MACROD1: variants seen among roughly 807,000 people sequenced by gnomAD.
The protein encoded by MACROD1 is ADP-ribose glycohydrolase MACROD1.
A neutral mutation model predicts 41.4 loss-of-function variants in MACROD1; 31 were observed. That is an observed-to-expected ratio of 0.75 (90% CI 0.56 to 1.01). The LOEUF (loss-of-function observed/expected upper bound fraction) is 1.01. Among genes scored for constraint, MACROD1 ranks in the 50% least tolerant of loss-of-function variants. The pLI is 0.00. For synonymous variants in MACROD1, 252 were observed against 203.4 expected (o/e 1.24, Z -2.03); for missense variants, 473 against 460.0 (o/e 1.03, Z -0.26).
At chr11:64,023,562 C>T (rs1225978950) in intron 3 of MACROD1, among the ~76,000 whole-genome samples, 5 of 152,126 alleles carry the variant, frequency 3.3e-5, no homozygotes, top group African/African-American at 1.2e-4. Context: ...ATTTGAACCC[C>T]GCTGCTCCAG....
chr11:64,047,971 T>G (rs1323785671), intron 3 of MACROD1, among the ~76,000 whole-genome samples: 1 of 150,654 alleles, frequency 6.6e-6, no homozygotes, highest in African/African-American at 2.4e-5. Context: ...GGGACCCTGA[T>G]GGTGGATAGG....
chr11:64,160,477 A>G (rs1162846558), intron 1 of MACROD1, among the ~76,000 whole-genome samples: 1 of 152,170 alleles, frequency 6.6e-6, no homozygotes, highest in African/African-American at 2.4e-5. Context: ...TACAGCCCTG[A>G]AATGAGAGCA....
intron 3 of MACROD1, among the ~76,000 whole-genome samples, chr11:64,132,526 G>C (rs541161807): frequency 6.6e-6 from 1 of 152,174 alleles, no homozygotes; most frequent in East Asian, 1.9e-4. Flanking sequence ...TGCCAGGGAC[G>C]GGCGGGTCCT....
intron 1 of MACROD1, among the ~76,000 whole-genome samples, chr11:64,155,014 G>A (rs996659058): frequency 2.6e-5 from 4 of 152,278 alleles, no homozygotes; most frequent in East Asian, 1.9e-4. Context: ...CCACGGCGCC[G>A]GCCCCCTTTC....
At position 64,128,793 on chromosome 11, in the gene MACROD1, GC is replaced by G. The variant is rs1565250622; in HGVS notation, c.517+22445del. On this transcript the variant is annotated intron_variant, in intron 3 of 10. Coordinates refer to ENST00000255681, the MANE Select transcript of MACROD1 (RefSeq NM_014067.4). ...GTGACCCCTTCCCACGCCTCGCTTG[GC>G]TGAGCCCAGACTGGCAGCTCTTGCC... Among the ~76,000 whole-genome samples the G allele has an allele frequency of 1.7e-3, 252 of 152,124 alleles. 4 individuals are homozygous for G. The Middle Eastern group carries it at 0.02, about 12-fold the overall frequency.
At chr11:64,136,981 G>C (rs537020107) in intron 3 of MACROD1, among the ~76,000 whole-genome samples, 2 of 152,356 alleles carry the variant, frequency 1.3e-5, no homozygotes, top group South Asian at 2.1e-4. Context: ...AGCTCTCTCT[G>C]GTGCTGAATT....
chr11:64,108,678 G>C (rs954028216), intron 3 of MACROD1, among the ~76,000 whole-genome samples: 1 of 152,260 alleles, frequency 6.6e-6, no homozygotes, highest in Non-Finnish European at 1.5e-5. Context: ...CTCTGGGGCT[G>C]AGAAACTGCT....
intron 1 of MACROD1, among the ~76,000 whole-genome samples, chr11:64,154,622 T>C (rs946088415): frequency 3.3e-5 from 5 of 152,208 alleles, no homozygotes; most frequent in African/African-American, 1.2e-4. Context: ...CCTCCCCCAC[T>C]ACACCAGTTC....
chr11:64,023,293 T>G (rs909395736), intron 3 of MACROD1, among the ~76,000 whole-genome samples: 1 of 152,270 alleles, frequency 6.6e-6, no homozygotes, highest in African/African-American at 2.4e-5. Flanking sequence ...AACAGTCTTA[T>G]GCTTTGCCAG....
At chr11:64,038,359 T>A (rs1263954614) in intron 3 of MACROD1, among the ~76,000 whole-genome samples, 3 of 152,062 alleles carry the variant, frequency 2.0e-5, no homozygotes, top group Non-Finnish European at 4.4e-5. Flanking sequence ...ACAGAGAGGA[T>A]GTCTGGGTGT....
Position 64,049,935 on chromosome 11 carries a change from A to C in MACROD1, c.518-34654T>G, listed in dbSNP as rs537187863. ...GCTGTGGCCCCGGGGGGGAGGCCAAACCTCTCTCAGAGCCCTCTTGGCCTA... is the reference window on the plus strand; with the variant it reads ...GCTGTGGCCCCGGGGGGGAGGCCAACCCTCTCTCAGAGCCCTCTTGGCCTA... On this transcript the variant is annotated intron_variant, in intron 3 of 10. Coordinates refer to ENST00000255681, the MANE Select transcript of MACROD1 (RefSeq NM_014067.4). Among the ~76,000 whole-genome samples, 6 of 152,190 alleles carry C rather than the reference A, an allele frequency of 3.9e-5. No individual in the cohort carries two copies. The East Asian group carries it at 1.2e-3, about 29-fold the overall frequency.
chr11:64,038,265 G>C (rs748499488), intron 3 of MACROD1, among the ~76,000 whole-genome samples: 1 of 152,228 alleles, frequency 6.6e-6, no homozygotes, highest in Admixed American at 6.5e-5. Flanking sequence ...AGCCTGTGTC[G>C]CATTCACTGG....
chr11:64,037,245 A>AG (rs1943399598), intron 3 of MACROD1, among the ~76,000 whole-genome samples: 1 of 152,046 alleles, frequency 6.6e-6, no homozygotes, highest in Non-Finnish European at 1.5e-5. Context: ...CAGGTGGCTC[A>AG]GGAGTTAGGA....
intron 3 of MACROD1, chr11:64,118,207 G>A (rs771473912): frequency 4.3e-6 from 7 of 1,613,356 alleles, no homozygotes; most frequent in South Asian, 3.3e-5. Flanking sequence ...AGCAGCCTCT[G>A]CAAGGCCACA....
chr11:64,052,696 C>T (rs914234157), intron 3 of MACROD1, among the ~76,000 whole-genome samples: 6 of 152,220 alleles, frequency 3.9e-5, no homozygotes, highest in African/African-American at 7.2e-5. Flanking sequence ...GAGGAAATGG[C>T]GCTTAGAGAA....
intron 2 of MACROD1, 126 bp from the exon 3 acceptor site, chr11:64,151,481 G>A (rs1006853828): frequency 5.9e-6 from 4 of 674,516 alleles, no homozygotes; most frequent in South Asian, 3.3e-5. Flanking sequence ...CCTGCAGCAC[G>A]ATGACTGCTG....
rs888474839 is a variant in MACROD1 at position 64,120,585 on chromosome 11, T to C, written c.517+30654A>G. Among the ~76,000 whole-genome samples the C allele has an allele frequency of 1.3e-5, 2 of 151,924 alleles. No individual in the cohort carries two copies. The highest frequency in any genetic ancestry group is 2.4e-5 in the African/African-American group (1 of 41,320). On this transcript the variant is annotated intron_variant, in intron 3 of 10. Coordinates refer to ENST00000255681, the MANE Select transcript of MACROD1 (RefSeq NM_014067.4). The surrounding 1 kb of genome is among the most constrained non-coding windows in gnomAD (Gnocchi z 4.5). ...CCTGTTACCTGGCTACTCGGGAGGC[T>C]GAGGCAGGAGAATCGCTTGAACCAG...
chr11:64,165,935 C>T lies in MACROD1; in HGVS notation c.60G>A (p.Leu20=). The T allele has an allele frequency of 7.6e-7, 1 of 1,322,562 alleles. No individual in the cohort carries two copies. Among genetic ancestry groups the T allele is most frequent in the Non-Finnish European group, 9.6e-7 (1 of 1,043,326 alleles). The allele number at this position is 1,322,562 out of a possible 1,614,324, so 81.9% of individuals were successfully genotyped here. A position where few individuals can be genotyped will look rare whatever the true frequency, so the allele number is the denominator to read the frequency against. Residue 20 remains leucine, a synonymous_variant, in exon 1 of 11, where the codon CTG becomes CTA. Transcript: ENST00000255681. The part of the protein sequence containing the change: ...RLAQLRAAGQ[L]LVPPRPRPGH... ...CGGGCCGGGGGCGCGGGGGGACGAG[C>T]AGCTGCCCCGCCGCGCGCAGCTGTG... is the stretch of plus-strand genomic sequence containing the variant.
At chr11:64,141,491 G>A (rs940557891) in intron 3 of MACROD1, among the ~76,000 whole-genome samples, 1 of 152,200 alleles carries the variant, frequency 6.6e-6, no homozygotes, top group African/African-American at 2.4e-5. Context: ...GGCAAGCCAC[G>A]GCCTCCTGGG....
Sources: allele counts gnomAD v4.1 joint callset (sites outside exome capture counted in the v4.1 genomes callset), GRCh38; gene constraint gnomAD v4.1.1; non-coding constraint Gnocchi (gnomAD v3.1); transcripts MANE v1.5; gene names NCBI Gene and HGNC (gene_info 2026-07-23, HGNC 2026-07-21).